The following TMEM232 variants were observed in gnomAD, a reference collection of about 807,000 sequenced individuals.
TMEM232 encodes the protein transmembrane protein 232.
TMEM232 carries 80 observed loss-of-function variants against 78.8 expected under a neutral mutation model. The ratio of observed to expected loss-of-function variants is 1.01; its 90% CI spans 0.85 to 1.22. The LOEUF is 1.22. TMEM232 is among the 50% of genes most tolerant of loss of function. The pLI is 0.00. For missense variants in TMEM232, 881 were observed against 742.2 expected (o/e 1.19, Z -2.17); for synonymous variants, 297 against 254.3 (o/e 1.17, Z -1.60).
rs527743745 is a variant in TMEM232 at position 110,390,533 on chromosome 5, T to A, written n.498A>T. ...TTGCATTCTCTTTACAACTTCAGCA[T>A]GTCTTTTTATGGGCACTAAGGAAAA... On this transcript the variant is annotated non_coding_transcript_exon_variant, in exon 4 of 9. Transcript: ENST00000507188. 3.3e-5 allele frequency: 5 copies of A among 152,372 alleles called. No individual in the cohort carries two copies. In the South Asian group the frequency reaches 1.0e-3, roughly 32 times the overall value. The allele number at this position is 152,372 out of a possible 1,614,324, so 9.4% of individuals were successfully genotyped here.
At chr5:110,670,248 A>C (rs573195399) in intron 1 of TMEM232, among the ~76,000 whole-genome samples, 2 of 152,288 alleles carry the variant, frequency 1.3e-5, no homozygotes, top group East Asian at 1.9e-4. Context: ...GTCTCAGCCC[A>C]AAATCTCCTT....
chr5:110,389,281 A>G (rs1755095019), intron 4 of TMEM232, among the ~76,000 whole-genome samples: 1 of 152,134 alleles, frequency 6.6e-6, no homozygotes, highest in Admixed American at 6.5e-5. Context: ...ACAAAACAAA[A>G]CAAAAACAAA....
chr5:110,562,021 C>T (rs994896789), intron 11 of TMEM232, among the ~76,000 whole-genome samples: 1 of 151,930 alleles, frequency 6.6e-6, no homozygotes, highest in African/African-American at 2.4e-5. Context: ...AAGGTGTGGT[C>T]GTACAGAGCA....
At position 110,493,573 on chromosome 5, in the gene TMEM232, A is replaced by G. The variant is rs313623; in HGVS notation, c.1703+35015T>C. On this transcript the variant is annotated intron_variant, in intron 12 of 13. Transcript: ENST00000455884. ...GCAATATATATGGCATTGGCTGATC[A>G]ATGTGAATGAACAATTGTCAATAAA... is the stretch of plus-strand genomic sequence containing the variant. Among the ~76,000 whole-genome samples the G allele has an allele frequency of 3.9e-5, 6 of 152,076 alleles. No individual in the cohort carries two copies. In the East Asian group the frequency reaches 1.2e-3, roughly 29 times the overall value.
intron 12 of TMEM232, among the ~76,000 whole-genome samples, chr5:110,492,712 T>G (rs1222858524): frequency 1.3e-5 from 2 of 152,000 alleles, no homozygotes; most frequent in Non-Finnish European, 2.9e-5. Context: ...GAATAACACA[T>G]TCTCATTAGT....
intron 12 of TMEM232, among the ~76,000 whole-genome samples, chr5:110,527,545 T>C (rs886884989): frequency 6.6e-6 from 1 of 151,968 alleles, no homozygotes. Flanking sequence ...CTGGGTTAAA[T>C]TCCTCTAAGC....
At chr5:110,727,465 C>T (rs1379038426), upstream of TMEM232, among the ~76,000 whole-genome samples, 2 of 152,056 alleles carry the variant, frequency 1.3e-5, no homozygotes, top group African/African-American at 4.8e-5. Context: ...AAAAGTTAGC[C>T]AGGCGTGGTG....
chr5:110,703,145 G>T (rs2150282195), intron 1 of TMEM232, among the ~76,000 whole-genome samples: 1 of 152,058 alleles, frequency 6.6e-6, no homozygotes, highest in East Asian at 1.9e-4. Context: ...AAACTACAAA[G>T]GTAGCTATGT....
At chr5:110,676,578 G>C (rs1310875249) in intron 1 of TMEM232, among the ~76,000 whole-genome samples, 1 of 151,266 alleles carries the variant, frequency 6.6e-6, no homozygotes, top group Admixed American at 6.6e-5. Context: ...TCTAATGTTT[G>C]TATGTATGTA....
At chr5:110,715,292 A>C (rs1197990237) in intron 1 of TMEM232, among the ~76,000 whole-genome samples, 2 of 152,162 alleles carry the variant, frequency 1.3e-5, no homozygotes, top group African/African-American at 4.8e-5. Context: ...ATGAAAAAAA[A>C]CCATAGGCTG....
At chr5:110,535,410 T>C (rs1305569344) in intron 11 of TMEM232, among the ~76,000 whole-genome samples, 1 of 152,096 alleles carries the variant, frequency 6.6e-6, no homozygotes, top group Non-Finnish European at 1.5e-5. Context: ...CACCTATCTC[T>C]CTTCGCTGAC....
chr5:110,530,080 C>T (rs1175128013), intron 11 of TMEM232, among the ~76,000 whole-genome samples: 1 of 152,184 alleles, frequency 6.6e-6, no homozygotes, highest in African/African-American at 2.4e-5. Flanking sequence ...TGTACATGAA[C>T]ATCTAACTTA....
At chr5:110,417,111 A>ATAAT (rs1756247063), downstream of TMEM232, among the ~76,000 whole-genome samples, 1 of 152,230 alleles carries the variant, frequency 6.6e-6, no homozygotes, top group African/African-American at 2.4e-5. Context: ...TATGAAACCC[A>ATAAT]TAATAAATAA....
At chr5:110,493,521 C>T (rs375403609) in intron 12 of TMEM232, among the ~76,000 whole-genome samples, 1 of 151,852 alleles carries the variant, frequency 6.6e-6, no homozygotes, top group Non-Finnish European at 1.5e-5. Context: ...CATATGAAGG[C>T]CATTATTCTA....
At chr5:110,490,150 AAAGAAAGAAAG>A (rs1378865139) in intron 12 of TMEM232, among the ~76,000 whole-genome samples, 18 of 131,312 alleles carry the variant, frequency 1.4e-4, no homozygotes, top group Non-Finnish European at 2.5e-4. Flanking sequence ...AGAAAGAAAG[AAAGAAAGAAAG>A]AAAGAAAGAA....
chr5:110,428,860 G>T (rs1444463533), intron 12 of TMEM232, among the ~76,000 whole-genome samples: 3 of 151,740 alleles, frequency 2.0e-5, no homozygotes, highest in Non-Finnish European at 4.4e-5. Context: ...GGTACAAGGG[G>T]TTAAGACTTA....
intron 10 of TMEM232, among the ~76,000 whole-genome samples, chr5:110,593,839 C>T (rs187483944): frequency 2.6e-5 from 4 of 152,106 alleles, no homozygotes; most frequent in East Asian, 1.9e-4. Context: ...GTTTGTAACA[C>T]AAAAGTTAAA....
chr5:110,422,795 T>G (rs1403331535), intron 13 of TMEM232, among the ~76,000 whole-genome samples: 1 of 152,170 alleles, frequency 6.6e-6, no homozygotes, highest in African/African-American at 2.4e-5. Context: ...ACTTTCTTTT[T>G]GTCTCTGGTG....
chr5:110,646,926 G>GTT, intron 2 of TMEM232, among the ~76,000 whole-genome samples: 1 of 151,846 alleles, frequency 6.6e-6, no homozygotes, highest in Non-Finnish European at 1.5e-5. Context: ...CAACAGGCAT[G>GTT]TGAAAAGGTT....
Sources: gnomAD v4.1 joint callset for allele counts (sites outside exome capture counted in the v4.1 genomes callset) on GRCh38, gnomAD v4.1.1 for gene constraint, MANE v1.5 for transcripts, NCBI Gene and HGNC (gene_info 2026-07-23, HGNC 2026-07-21) for gene names.